The following SPRYD4 variants were observed in gnomAD, a reference collection of about 807,000 sequenced individuals.
SPRYD4 encodes SPRY domain containing 4, also known as SPRY domain-containing protein 4.
Under a neutral mutation model 16.6 loss-of-function variants are expected in SPRYD4, and 12 were observed. That is an observed-to-expected ratio of 0.72 (90% CI 0.46 to 1.17). The LOEUF is 1.17. SPRYD4 is among the 50% of genes most tolerant of loss of function. SPRYD4 has a pLI of 0.00. For synonymous variants in SPRYD4, 98 were observed against 105.4 expected, an observed-to-expected ratio of 0.93 and a Z score of 0.43; for missense variants, 260 against 260.2, an observed-to-expected ratio of 1.00 and a Z score of 0.00.
rs761969192 is a variant in SPRYD4 at position 56,476,590 on chromosome 12, A to ATT, written c.*7033_*7034dup. On this transcript the variant is annotated 3_prime_UTR_variant, in exon 2 of 2. Coordinates refer to ENST00000338146, the MANE Select transcript of SPRYD4 (RefSeq NM_207344.4). ...GCAACATAGGAGAGACCCTGCCTCAATTTTTTTTTTTTTTTTTTTTTGAGA... is the reference window on the plus strand; with the variant it reads ...GCAACATAGGAGAGACCCTGCCTCAATTTTTTTTTTTTTTTTTTTTTTTGAGA... 5.2e-4 allele frequency: 66 copies of ATT among 125,944 alleles called. 1 individual carries two copies. The highest frequency in any genetic ancestry group is 9.2e-4 in the East Asian group (4 of 4,370). The allele number at this position is 125,944 out of a possible 1,614,324, so 7.8% of individuals were successfully genotyped here. A position where few individuals can be genotyped will look rare whatever the true frequency, so the allele number is the denominator to read the frequency against.
In SPRYD4 at chr12:56,478,037, G is replaced by C; in HGVS notation, c.*8460G>C. 1 of 1,614,254 alleles carries C rather than the reference G, an allele frequency of 6.2e-7. No homozygotes were observed. The highest frequency in any genetic ancestry group is 8.5e-7 in the Non-Finnish European group (1 of 1,180,050). ...TAGGGTGCTTATGGAGATGGCATAG[G>C]TGAGGGGCTTCACACAGGACTGCAG... On this transcript the variant is annotated 3_prime_UTR_variant, in exon 2 of 2. Coordinates refer to ENST00000338146, the MANE Select transcript of SPRYD4 (RefSeq NM_207344.4).
rs1193888440 is a variant in SPRYD4, at chr12:56,477,612, C to T, written c.*8035C>T. ...AACAAATATGAGGGATACAGGAACA[C>T]AGGAGCTTAGAGGATAATACCTATC... On this transcript the variant is annotated 3_prime_UTR_variant, in exon 2 of 2. Coordinates refer to ENST00000338146, the MANE Select transcript of SPRYD4 (RefSeq NM_207344.4). The T allele has an allele frequency of 4.5e-6, 7 of 1,561,158 alleles. No individual in the cohort carries two copies. Among genetic ancestry groups the T allele is most frequent in the Non-Finnish European group, 6.1e-6 (7 of 1,141,198 alleles).
Position 56,475,735 on chromosome 12 carries a change from A to G in SPRYD4, c.*6158A>G. The stretch of plus-strand genomic sequence containing the variant: ...TCCACTTGGTTAAGAAGCTCTATTA[A>G]TACCTCACAGGTTGACTAGCCCTTC... On this transcript the variant is annotated 3_prime_UTR_variant, in exon 2 of 2. Coordinates refer to ENST00000338146, the MANE Select transcript of SPRYD4 (RefSeq NM_207344.4). 1.9e-6 allele frequency: 3 copies of G among 1,587,392 alleles called. No homozygotes were observed. In the South Asian group the frequency reaches 3.3e-5, roughly 18 times the overall value.
At position 56,477,445 on chromosome 12, in the gene SPRYD4, C is replaced by G. The variant is rs1308465105; in HGVS notation, c.*7868C>G. 2 of 480,930 alleles carry G rather than the reference C, an allele frequency of 4.2e-6. No homozygotes were observed. The highest frequency in any genetic ancestry group is 3.6e-5 in the Admixed American group (1 of 27,928). 29.8% of individuals were successfully genotyped at this position (480,930 alleles called of 1,614,324 possible). ...TAGACTCATGGGTGGGGGCAGGGAA[C>G]AGTACTGAGTGGGGATGACGGAGGT... On this transcript the variant is annotated 3_prime_UTR_variant, in exon 2 of 2. Coordinates refer to ENST00000338146, the MANE Select transcript of SPRYD4 (RefSeq NM_207344.4).
At position 56,472,543 on chromosome 12, in the gene SPRYD4, C is replaced by A. The variant is rs868710848; in HGVS notation, c.*2966C>A. On this transcript the variant is annotated 3_prime_UTR_variant, in exon 2 of 2. Coordinates refer to ENST00000338146, the MANE Select transcript of SPRYD4 (RefSeq NM_207344.4). ...AGTTTACTTTTTTTAAAAAAAATCT[C>A]CTTTTTTAAAAAAATTTCATTTAAA... 1.3e-5 allele frequency: 9 copies of A among 703,128 alleles called. No individual in the cohort carries two copies. The highest frequency in any genetic ancestry group is 5.7e-5 in the South Asian group (3 of 52,352). The allele number at this position is 703,128 out of a possible 1,614,324, so 43.6% of individuals were successfully genotyped here.
rs372940400 is a variant in SPRYD4 at position 56,478,154 on chromosome 12, C to G, written c.*8577C>G. The G allele has an allele frequency of 6.2e-7, 1 of 1,614,150 alleles. No individual in the cohort carries two copies. Among genetic ancestry groups the G allele is most frequent in the South Asian group, 1.1e-5 (1 of 91,082 alleles). On this transcript the variant is annotated 3_prime_UTR_variant, in exon 2 of 2. Coordinates refer to ENST00000338146, the MANE Select transcript of SPRYD4 (RefSeq NM_207344.4). ...GCCTGTGTTCGGCACCTGTGCCCTG[C>G]CTCCCCTTCCTCTTGCCCAGCATCT... is the stretch of plus-strand genomic sequence containing the variant.
Position 56,472,325 on chromosome 12 carries a change from C to T in SPRYD4, c.*2748C>T. The T allele has an allele frequency of 1.3e-6, 1 of 756,486 alleles. No homozygotes were observed. The highest frequency in any genetic ancestry group is 2.2e-6 in the Non-Finnish European group (1 of 447,368). 46.9% of individuals were successfully genotyped at this position (756,486 alleles called of 1,614,324 possible). On this transcript the variant is annotated 3_prime_UTR_variant, in exon 2 of 2. Coordinates refer to ENST00000338146, the MANE Select transcript of SPRYD4 (RefSeq NM_207344.4). ...CAGCCTATAGCCAGATTTGTTGGCT[C>T]TGAATAATCTTTTTTCCATATCCAG...
In SPRYD4 at chr12:56,474,905, A is replaced by G. The variant is rs776954313; in HGVS notation, c.*5328A>G. 1 of 1,614,120 alleles carries G rather than the reference A, an allele frequency of 6.2e-7. No individual in the cohort carries two copies. Among genetic ancestry groups the G allele is most frequent in the South Asian group, 1.1e-5 (1 of 91,078 alleles). On this transcript the variant is annotated 3_prime_UTR_variant, in exon 2 of 2. Transcript: ENST00000338146. ...ACCCCCTTAGGAAAGCACTGCAAGG[A>G]AGAGAGGGGAGAGCATTTCTCTTCA...
Position 56,478,711 on chromosome 12 carries a change from A to G in SPRYD4, c.*9134A>G. 2 of 279,168 alleles carry G rather than the reference A, an allele frequency of 7.2e-6. No individual in the cohort carries two copies. Among genetic ancestry groups the G allele is most frequent in the Non-Finnish European group, 6.9e-6 (1 of 145,786 alleles). 17.3% of individuals were successfully genotyped at this position (279,168 alleles called of 1,614,324 possible). A position where few individuals can be genotyped will look rare whatever the true frequency, so the allele number is the denominator to read the frequency against. On this transcript the variant is annotated 3_prime_UTR_variant, in exon 2 of 2. Transcript: ENST00000338146. ...AGGAAATCTCTGAGAAGCGAGGTAT[A>G]TCTAGGTGTGGTGGCTCATGCCTGT...
chr12:56,477,598 G>T lies in SPRYD4; in HGVS notation c.*8021G>T. On this transcript the variant is annotated 3_prime_UTR_variant, in exon 2 of 2. Transcript: ENST00000338146. The stretch of plus-strand genomic sequence containing the variant: ...TCCCTGGAGAGCTGAACAAATATGA[G>T]GGATACAGGAACACAGGAGCTTAGA... 1 of 1,505,228 alleles carries T rather than the reference G, an allele frequency of 6.6e-7. No individual in the cohort carries two copies. The highest frequency in any genetic ancestry group is 9.1e-7 in the Non-Finnish European group (1 of 1,097,248). 93.2% of individuals were successfully genotyped at this position (1,505,228 alleles called of 1,614,324 possible).
rs1462239395 is a variant in SPRYD4, at chr12:56,477,885, G to A, written c.*8308G>A. 6.3e-7 allele frequency: 1 copy of A among 1,586,210 alleles called. No individual in the cohort carries two copies. The highest frequency in any genetic ancestry group is 1.3e-5 in the African/African-American group (1 of 74,532). ...AGGCTGGGAGATGGGGTGGGGATAA[G>A]GAGAAGGGGACAGCTGTAAGTACGG... On this transcript the variant is annotated 3_prime_UTR_variant, in exon 2 of 2. Coordinates refer to ENST00000338146, the MANE Select transcript of SPRYD4 (RefSeq NM_207344.4).
In SPRYD4 at chr12:56,469,314, T is replaced by A; in HGVS notation, c.361T>A (p.Ser121Thr). ...RDSCIGVDDRSWVFTYAQRKW... is the reference protein window; with the variant it reads ...RDSCIGVDDRTWVFTYAQRKW... ...TAGCTGCATTGGTGTTGATGATCGTTCCTGGGTGTTCACCTATGCCCAGCG... is the reference window on the plus strand; with the variant it reads ...TAGCTGCATTGGTGTTGATGATCGTACCTGGGTGTTCACCTATGCCCAGCG... Residue 121 changes from serine to threonine, a missense_variant, in exon 2 of 2, where the codon TCC (serine) becomes ACC (threonine). Coordinates refer to ENST00000338146, the MANE Select transcript of SPRYD4 (RefSeq NM_207344.4). 1 of 1,614,122 alleles carries A rather than the reference T, an allele frequency of 6.2e-7. No homozygotes were observed. Among genetic ancestry groups the A allele is most frequent in the Non-Finnish European group, 8.5e-7 (1 of 1,180,000 alleles).
rs1321493717 is a variant in SPRYD4 at position 56,479,555 on chromosome 12, A to C, written c.*9978A>C. ...GATACCCACTAATCTGCTAATATTT[A>C]CTTCTGGGAAAAGAGGACAGGGATT... On this transcript the variant is annotated 3_prime_UTR_variant, in exon 2 of 2. Coordinates refer to ENST00000338146, the MANE Select transcript of SPRYD4 (RefSeq NM_207344.4). 1 of 480,142 alleles carries C rather than the reference A, an allele frequency of 2.1e-6. No homozygotes were observed. Among genetic ancestry groups the C allele is most frequent in the East Asian group, 3.7e-5 (1 of 27,172 alleles). The allele number at this position is 480,142 out of a possible 1,614,324, so 29.7% of individuals were successfully genotyped here. A position where few individuals can be genotyped will look rare whatever the true frequency, so the allele number is the denominator to read the frequency against.
In SPRYD4 at chr12:56,468,698, C is replaced by G. The variant is rs763439721; in HGVS notation, c.85+22C>G. On this transcript the variant is annotated intron_variant, in intron 1 of 1. Transcript: ENST00000338146. The stretch of plus-strand genomic sequence containing the variant: ...AGAGGTAGGATTATCTCTTTTTACT[C>G]TTTTACCTCCAGAATGGCTGCCGTC... 6.2e-6 allele frequency: 10 copies of G among 1,603,772 alleles called. No homozygotes were observed. The South Asian group carries it at 9.9e-5, about 16-fold the overall frequency.
In SPRYD4 at chr12:56,478,137, T is replaced by TG. The variant is rs767268043; in HGVS notation, c.*8560_*8561insG. On this transcript the variant is annotated 3_prime_UTR_variant, in exon 2 of 2. Coordinates refer to ENST00000338146, the MANE Select transcript of SPRYD4 (RefSeq NM_207344.4). ...TGCCATGAAAGGGGTTGGCCTGTGT[T>TG]CGGCACCTGTGCCCTGCCTCCCCTT... The TG allele has an allele frequency of 5.6e-4, 910 of 1,614,000 alleles. No individual in the cohort carries two copies. The highest frequency in any genetic ancestry group is 4.5e-4 in the Non-Finnish European group (534 of 1,179,982).
Position 56,476,346 on chromosome 12 carries a change from T to A in SPRYD4, c.*6769T>A. 1 of 268,826 alleles carries A rather than the reference T, an allele frequency of 3.7e-6. No homozygotes were observed. The highest frequency in any genetic ancestry group is 7.2e-6 in the Non-Finnish European group (1 of 138,548). 16.7% of individuals were successfully genotyped at this position (268,826 alleles called of 1,614,324 possible). A position where few individuals can be genotyped will look rare whatever the true frequency, so the allele number is the denominator to read the frequency against. ...TGGGCCATCCCACTTCCATTCTCAATCCAAACCCTCATCCCTGACTCCCAC... is the reference window on the plus strand; with the variant it reads ...TGGGCCATCCCACTTCCATTCTCAAACCAAACCCTCATCCCTGACTCCCAC... On this transcript the variant is annotated 3_prime_UTR_variant, in exon 2 of 2. Coordinates refer to ENST00000338146, the MANE Select transcript of SPRYD4 (RefSeq NM_207344.4).
chr12:56,475,179 C>T lies in SPRYD4; in HGVS notation c.*5602C>T. The T allele has an allele frequency of 1.2e-6, 2 of 1,608,448 alleles. No homozygotes were observed. Among genetic ancestry groups the T allele is most frequent in the Non-Finnish European group, 1.7e-6 (2 of 1,179,978 alleles). On this transcript the variant is annotated 3_prime_UTR_variant, in exon 2 of 2. Transcript: ENST00000338146. ...GTGTTGGGAGAAGGGGAAAAATTAC[C>T]TTCCCTGGAGAGACAGAACTACATC... is the stretch of plus-strand genomic sequence containing the variant.
At position 56,473,584 on chromosome 12, in the gene SPRYD4, G is replaced by A; in HGVS notation, c.*4007G>A. 6.2e-7 allele frequency: 1 copy of A among 1,610,294 alleles called. No individual in the cohort carries two copies. Among genetic ancestry groups the A allele is most frequent in the Non-Finnish European group, 8.5e-7 (1 of 1,178,812 alleles). ...GGCTCCTGATACAGCTGACTTGGCT[G>A]GCAGGCCCACCTGGGGAACAGAACT... On this transcript the variant is annotated 3_prime_UTR_variant, in exon 2 of 2. Coordinates refer to ENST00000338146, the MANE Select transcript of SPRYD4 (RefSeq NM_207344.4).
rs987963381 is a variant in SPRYD4, at chr12:56,472,161, CTT to C, written c.*2586_*2587del. The C allele has an allele frequency of 2.5e-6, 4 of 1,614,084 alleles. No individual in the cohort carries two copies. The African/African-American group carries it at 5.3e-5, about 22-fold the overall frequency. ...TGCAGAGCTGTGCGCGAGTCATAGTCTTTCTGTTCCATATCCATGGCTGACAA... is the reference window on the plus strand; with the variant it reads ...TGCAGAGCTGTGCGCGAGTCATAGTCTCTGTTCCATATCCATGGCTGACAA... On this transcript the variant is annotated 3_prime_UTR_variant, in exon 2 of 2. Coordinates refer to ENST00000338146, the MANE Select transcript of SPRYD4 (RefSeq NM_207344.4).
Sources: allele counts gnomAD v4.1 joint callset, GRCh38; gene constraint gnomAD v4.1.1; transcripts MANE v1.5; gene names NCBI Gene and HGNC (gene_info 2026-07-23, HGNC 2026-07-21).